The following TBC1D14 variants were observed in gnomAD, a reference collection of about 807,000 sequenced individuals.
TBC1D14 encodes the protein TBC1 domain family member 14.
TBC1D14 carries 26 observed loss-of-function variants against 79.0 expected under a neutral mutation model. The observed-to-expected ratio is 0.33, with a 90% CI of 0.24 to 0.46. The LOEUF (loss-of-function observed/expected upper bound fraction) is 0.46, where lower values mean the gene tolerates loss of function less well. Among genes scored for constraint, TBC1D14 ranks in the 20% least tolerant of loss-of-function variants. The probability of loss-of-function intolerance (pLI) is 1.00; values close to 1 mark genes in which losing one functional copy is unlikely to be tolerated. For missense variants in TBC1D14, 769 were observed against 887.6 expected, an observed-to-expected ratio of 0.87 and a Z score of 1.70; for synonymous variants, 394 against 349.9, an observed-to-expected ratio of 1.13 and a Z score of -1.40.
rs757773645 is a variant in TBC1D14 at position 7,009,940 on chromosome 4, G to A, written c.1510G>A (p.Val504Met). 11 of 1,614,082 alleles carry A rather than the reference G, an allele frequency of 6.8e-6. No individual in the cohort carries two copies. Among genetic ancestry groups the A allele is most frequent in the Non-Finnish European group, 9.3e-6 (11 of 1,180,040 alleles). ...CGCTTATACTTGTTACCGGCCAGAT[G>A]TGGGTTATGTAAGTGAAGTTTCTCA... ...LGAYTCYRPD[V>M]GYVQGMSFIA... The change falls in exon 10 of 14, where the codon GTG (valine) becomes ATG (methionine). Residue 504 changes from valine to methionine, a missense_variant. Transcript: ENST00000409757.
chr4:6,997,965 T>G (rs1039066465), intron 5 of TBC1D14, among the ~76,000 whole-genome samples: 2 of 152,210 alleles, frequency 1.3e-5, no homozygotes, highest in African/African-American at 4.8e-5. Flanking sequence ...GTATGAATGT[T>G]CTTAATGCCA....
At chr4:6,953,808 G>C (rs1483769538) in intron 2 of TBC1D14, among the ~76,000 whole-genome samples, 1 of 152,136 alleles carries the variant, frequency 6.6e-6, no homozygotes, top group South Asian at 2.1e-4. Context: ...GTGACTCAAC[G>C]GCAGACCTGG....
At chr4:7,017,862 G>A (rs1721435019) in intron 12 of TBC1D14, among the ~76,000 whole-genome samples, 1 of 152,218 alleles carries the variant, frequency 6.6e-6, no homozygotes, top group Admixed American at 6.5e-5. Flanking sequence ...AGCATTTATT[G>A]GTGGTCCGCA....
intron 3 of TBC1D14, among the ~76,000 whole-genome samples, chr4:6,976,080 A>G (rs1233649696): frequency 6.6e-6 from 1 of 152,184 alleles, no homozygotes; most frequent in Non-Finnish European, 1.5e-5. Context: ...GTGACAGAGC[A>G]CTCTGTCTCA....
intron 3 of TBC1D14, among the ~76,000 whole-genome samples, chr4:6,974,642 A>G (rs770927893): frequency 6.6e-6 from 1 of 152,224 alleles, no homozygotes; most frequent in Non-Finnish European, 1.5e-5. Flanking sequence ...CTTGGGAACC[A>G]CAACTCACAG....
At chr4:6,917,839 C>T (rs144387722) in intron 1 of TBC1D14, among the ~76,000 whole-genome samples, 8 of 152,282 alleles carry the variant, frequency 5.3e-5, no homozygotes, top group Non-Finnish European at 1.0e-4. Flanking sequence ...TATTATCACG[C>T]GGTAGGTGGC....
At chr4:7,019,380 T>C (rs12648134) in intron 12 of TBC1D14, among the ~76,000 whole-genome samples, 72,062 of 151,764 alleles carry the variant, frequency 0.47, 17,335 homozygotes, top group East Asian at 0.62. Context: ...TTTCCGTTTC[T>C]GCTGCCTCTT....
chr4:6,985,334 C>T (rs1717726733), intron 3 of TBC1D14, among the ~76,000 whole-genome samples: 2 of 152,180 alleles, frequency 1.3e-5, no homozygotes, highest in African/African-American at 2.4e-5. Flanking sequence ...TGTGTATTGC[C>T]TTAATTATAT....
chr4:6,980,869 C>G (rs1005475408), intron 3 of TBC1D14, among the ~76,000 whole-genome samples: 2 of 151,852 alleles, frequency 1.3e-5, no homozygotes, highest in Non-Finnish European at 2.9e-5. Flanking sequence ...GCGCCCGCCA[C>G]CACGCCCGGC....
intron 3 of TBC1D14, among the ~76,000 whole-genome samples, chr4:6,982,884 G>A (rs1717505142): frequency 6.6e-6 from 1 of 152,148 alleles, no homozygotes; most frequent in African/African-American, 2.4e-5. Context: ...TATTTGGAAG[G>A]GTACTTACAA....
chr4:7,019,870 TC>T (rs1721650281), intron 12 of TBC1D14, among the ~76,000 whole-genome samples: 1 of 46,040 alleles, frequency 2.2e-5, no homozygotes, highest in Admixed American at 2.1e-4. Flanking sequence ...TGGGCTCAGG[TC>T]AGGGAGGACT....
At chr4:6,939,141 G>A (rs1712644949) in intron 2 of TBC1D14, among the ~76,000 whole-genome samples, 2 of 152,198 alleles carry the variant, frequency 1.3e-5, no homozygotes, top group African/African-American at 4.8e-5. Flanking sequence ...TCGCTTTGCA[G>A]ACACAGCTTT....
intron 2 of TBC1D14, among the ~76,000 whole-genome samples, chr4:6,947,775 A>G (rs1209700999): frequency 1.3e-5 from 2 of 152,062 alleles, no homozygotes; most frequent in African/African-American, 4.8e-5. Context: ...GGAGAGTATG[A>G]CTTCAGGGAG....
chr4:6,965,493 T>C (rs577431327), intron 2 of TBC1D14, among the ~76,000 whole-genome samples: 1 of 152,326 alleles, frequency 6.6e-6, no homozygotes, highest in East Asian at 1.9e-4. Flanking sequence ...ATCAGCGCCA[T>C]TGACTTGGTG....
intron 2 of TBC1D14, among the ~76,000 whole-genome samples, chr4:6,946,885 C>A (rs182556428): frequency 1.3e-5 from 2 of 152,230 alleles, no homozygotes; most frequent in African/African-American, 4.8e-5. Flanking sequence ...TCATTCCTTC[C>A]CTGAAATGCA....
At chr4:6,998,889 T>C in intron 5 of TBC1D14, 196 bp from the exon 6 acceptor site, 2 of 568,038 alleles carry the variant, frequency 3.5e-6, no homozygotes, top group Non-Finnish European at 3.2e-6. Context: ...TGTTAGACTT[T>C]GCAAGCTTAC....
At chr4:6,929,086 C>G (rs1302992800) in intron 2 of TBC1D14, among the ~76,000 whole-genome samples, 3 of 152,124 alleles carry the variant, frequency 2.0e-5, no homozygotes, top group Non-Finnish European at 2.9e-5. Context: ...TGCTATGGAC[C>G]TGCATTGCTG....
intron 11 of TBC1D14, among the ~76,000 whole-genome samples, chr4:7,011,730 G>A (rs1222169960): frequency 6.6e-6 from 1 of 151,530 alleles, no homozygotes; most frequent in Non-Finnish European, 1.5e-5. Flanking sequence ...CTAATTTTTT[G>A]TATTTTTAGT....
chr4:6,948,823 C>T (rs1342187108), intron 2 of TBC1D14, among the ~76,000 whole-genome samples: 1 of 151,482 alleles, frequency 6.6e-6, no homozygotes, highest in Non-Finnish European at 1.5e-5. Context: ...CCTCAGCGTC[C>T]CAAGTAGCTG....
Sources: allele counts gnomAD v4.1 joint callset (sites outside exome capture counted in the v4.1 genomes callset), GRCh38; gene constraint gnomAD v4.1.1; transcripts MANE v1.5; gene names NCBI Gene and HGNC (gene_info 2026-07-23, HGNC 2026-07-21).